ABCC4: variants seen among roughly 807,000 people sequenced by gnomAD.
The protein encoded by ABCC4 is ATP-binding cassette sub-family C member 4.
ABCC4 carries 102 observed loss-of-function variants against 168.5 expected under a neutral mutation model. The observed-to-expected ratio is 0.61, with a 90% CI of 0.52 to 0.71. ABCC4 has a LOEUF of 0.71. Among genes scored for constraint, ABCC4 ranks in the 30% least tolerant of loss-of-function variants. The pLI is 0.00. For missense variants in ABCC4, 1,402 were observed against 1,605.8 expected (o/e 0.87, Z 2.17); for synonymous variants, 617 against 590.7 (o/e 1.04, Z -0.65).
At chr13:95,025,166 TACAC>T (rs201832566) in intron 30 of ABCC4, among the ~76,000 whole-genome samples, 1 of 131,804 alleles carries the variant, frequency 7.6e-6, no homozygotes, top group Admixed American at 7.8e-5. Flanking sequence ...CAATTTCACA[TACAC>T]ACACACACCC....
At chr13:95,108,362 C>T (rs143979927) in intron 20 of ABCC4, among the ~76,000 whole-genome samples, 77 of 152,240 alleles carry the variant, frequency 5.1e-4, no homozygotes, top group African/African-American at 1.8e-3. Flanking sequence ...TGTGTCCCCA[C>T]CCAAATCTCA....
intron 3 of ABCC4, among the ~76,000 whole-genome samples, chr13:95,244,658 A>G (rs866787714): frequency 8.3e-4 from 64 of 76,830 alleles, no homozygotes; most frequent in East Asian, 1.0e-3. Context: ...AGAAAGAAAG[A>G]AAGAAAGAAA....
intron 30 of ABCC4, 48 bp from the exon 31 acceptor site, chr13:95,021,730 A>C: frequency 7.4e-7 from 1 of 1,354,370 alleles, no homozygotes; most frequent in Non-Finnish European, 1.0e-6. Flanking sequence ...AAAATTTTAA[A>C]GTCTCCTCCC....
At chr13:95,100,219 C>G (rs2034748500) in intron 20 of ABCC4, among the ~76,000 whole-genome samples, 1 of 152,186 alleles carries the variant, frequency 6.6e-6, no homozygotes, top group South Asian at 2.1e-4. Flanking sequence ...ATGGAAAGTT[C>G]TATGCTCTGC....
chr13:95,120,797 T>C (rs1422562724), intron 19 of ABCC4, among the ~76,000 whole-genome samples: 2 of 152,106 alleles, frequency 1.3e-5, no homozygotes, highest in South Asian at 2.1e-4. Context: ...GTCGAGAGAA[T>C]TGACCTGTGC....
intron 4 of ABCC4, among the ~76,000 whole-genome samples, chr13:95,221,656 TAAA>T (rs34647565): frequency 1.4e-5 from 2 of 147,160 alleles, no homozygotes; most frequent in Non-Finnish European, 3.0e-5. Flanking sequence ...AGAAATATGT[TAAA>T]AAAAAAAACG....
chr13:95,100,224 C>G (rs1678354), intron 20 of ABCC4, among the ~76,000 whole-genome samples: 56,238 of 152,032 alleles, frequency 0.37, 10,857 homozygotes, highest in Middle Eastern at 0.51. Flanking sequence ...AAGTTCTATG[C>G]TCTGCTGAAT....
chr13:95,170,774 A>G lies in ABCC4; in HGVS notation c.1728-146T>C, dbSNP rs1594227326. On this transcript the variant is annotated intron_variant, in intron 13 of 30. Transcript: ENST00000645237. ...ACAAACTAAATACAAATATAAGCCA[A>G]TAAAGCCGGCTAGGTCCTCAAAACC... 8 of 510,868 alleles carry G rather than the reference A, an allele frequency of 1.6e-5. No individual in the cohort carries two copies. The East Asian group carries it at 2.5e-4, about 16-fold the overall frequency. 31.6% of individuals were successfully genotyped at this position (510,868 alleles called of 1,614,324 possible).
At chr13:95,124,974 C>G (rs1387447519) in intron 19 of ABCC4, among the ~76,000 whole-genome samples, 1 of 151,988 alleles carries the variant, frequency 6.6e-6, no homozygotes, top group African/African-American at 2.4e-5. Flanking sequence ...GCACACAAAC[C>G]TAGAAGAGTG....
intron 19 of ABCC4, among the ~76,000 whole-genome samples, chr13:95,149,601 A>G (rs1300739046): frequency 6.6e-6 from 1 of 152,214 alleles, no homozygotes; most frequent in African/African-American, 2.4e-5. Flanking sequence ...TTCCTTCTCT[A>G]CTTTTAAATA....
chr13:95,170,447 A>G, intron 14 of ABCC4, 85 bp downstream of exon 14: 1 of 759,452 alleles, frequency 1.3e-6, no homozygotes, highest in Non-Finnish European at 2.1e-6. Flanking sequence ...CTCTGAGAAG[A>G]AAGGAACATG....
chr13:95,021,111 C>T lies in ABCC4; in HGVS notation c.*464G>A, dbSNP rs115226179. 0.013 allele frequency: 1,967 copies of T among 154,094 alleles called. 43 individuals are homozygous for T. Among genetic ancestry groups the T allele is most frequent in the African/African-American group, 0.044 (1,828 of 41,488 alleles). 9.5% of individuals were successfully genotyped at this position (154,094 alleles called of 1,614,324 possible). A position where few individuals can be genotyped will look rare whatever the true frequency, so the allele number is the denominator to read the frequency against. On this transcript the variant is annotated 3_prime_UTR_variant, in exon 31 of 31. Coordinates refer to ENST00000645237, the MANE Select transcript of ABCC4 (RefSeq NM_005845.5). ...GTACTATTTTCTAACAAGAAGCCTT[C>T]AGGGGAAATAATGGATCCTAGTTAT...
rs2139316001 is a variant in ABCC4 at position 95,075,487 on chromosome 13, G to A, written c.2751C>T (p.Tyr917=). Reference sequence around the variant, plus strand: ...GTTCCTGACACCTCTCTTCTGCTTTGTATGCCCGGATGGTCCAGAGCCCCT... The same window carrying A: ...GTTCCTGACACCTCTCTTCTGCTTTATATGCCCGGATGGTCCAGAGCCCCT... ...SLQGLWTIRA[Y]KAEERCQELF... Residue 917 remains tyrosine (Y), a synonymous_variant, in exon 22 of 31, where the codon TAC becomes TAT. Coordinates refer to ENST00000645237, the MANE Select transcript of ABCC4 (RefSeq NM_005845.5). 1 of 1,614,084 alleles carries A rather than the reference G, an allele frequency of 6.2e-7. No homozygotes were observed. The highest frequency in any genetic ancestry group is 8.5e-7 in the Non-Finnish European group (1 of 1,179,984).
At chr13:95,277,030 A>AATAG in intron 1 of ABCC4, among the ~76,000 whole-genome samples, 1 of 152,310 alleles carries the variant, frequency 6.6e-6, no homozygotes, top group South Asian at 2.1e-4. Flanking sequence ...AAAATAAATA[A>AATAG]ATACAATAAA....
At chr13:95,257,972 T>C (rs994880126) in intron 1 of ABCC4, among the ~76,000 whole-genome samples, 8 of 152,176 alleles carry the variant, frequency 5.3e-5, no homozygotes, top group Admixed American at 3.9e-4. Flanking sequence ...GCCCCACACA[T>C]AAGCCTCACT....
intron 3 of ABCC4, among the ~76,000 whole-genome samples, chr13:95,242,783 A>G (rs2039983018): frequency 6.6e-6 from 1 of 152,154 alleles, no homozygotes; most frequent in Admixed American, 6.5e-5. Flanking sequence ...TTTCTCTCCA[A>G]CTTCTCCAAA....
In ABCC4 at chr13:95,170,599, ATCT is replaced by A; in HGVS notation, c.1754_1756del (p.Lys585del). The A allele has an allele frequency of 6.2e-7, 1 of 1,612,062 alleles. No homozygotes were observed. Among genetic ancestry groups the A allele is most frequent in the Non-Finnish European group, 8.5e-7 (1 of 1,179,572 alleles). Reference sequence around the variant, plus strand: ...CAACTGATGAGTCACTAAAATTGTGATCTTCTCATGCAAAATTTGACAAATACA... The same window carrying A: ...CAACTGATGAGTCACTAAAATTGTGATCTCATGCAAAATTTGACAAATACA... On this transcript the variant is annotated inframe_deletion, in exon 14 of 31. Transcript: ENST00000645237.
At chr13:95,094,858 G>A (rs182001390) in intron 20 of ABCC4, among the ~76,000 whole-genome samples, 42 of 152,152 alleles carry the variant, frequency 2.8e-4, no homozygotes, top group Non-Finnish European at 4.9e-4. Flanking sequence ...GTGGACTTAG[G>A]ACATGAAGAG....
intron 19 of ABCC4, among the ~76,000 whole-genome samples, chr13:95,117,025 T>C (rs764514100): frequency 6.6e-6 from 1 of 152,176 alleles, no homozygotes; most frequent in Non-Finnish European, 1.5e-5. Context: ...CTCCCGCTGC[T>C]GGGGCTAATG....
Sources: gnomAD v4.1 joint callset for allele counts (sites outside exome capture counted in the v4.1 genomes callset) on GRCh38, gnomAD v4.1.1 for gene constraint, MANE v1.5 for transcripts, NCBI Gene and HGNC (gene_info 2026-07-23, HGNC 2026-07-21) for gene names.